LPAR3: variants seen among roughly 807,000 people sequenced by gnomAD.
The protein encoded by LPAR3 is LPA receptor 3.
LPAR3 carries 7 observed loss-of-function variants against 17.8 expected under a neutral mutation model. That is an observed-to-expected ratio of 0.39 (90% CI 0.22 to 0.74). The LOEUF (loss-of-function observed/expected upper bound fraction) is 0.74. Among genes scored for constraint, LPAR3 ranks in the 30% least tolerant of loss-of-function variants. The pLI is 0.40. For synonymous variants in LPAR3, 179 were observed against 179.9 expected (o/e 0.99, Z 0.04); for missense variants, 391 against 453.4 (o/e 0.86, Z 1.25).
chr1:84,850,606 C>A lies in LPAR3; in HGVS notation c.736+14779G>T, dbSNP rs571142601. ...GTTGCCTTGAAAGGGAAAAAAGAAACAAAACTAACAATCACCAGGGACTCT... is the reference window on the plus strand; with the variant it reads ...GTTGCCTTGAAAGGGAAAAAAGAAAAAAAACTAACAATCACCAGGGACTCT... On this transcript the variant is annotated intron_variant, in intron 2 of 2. Coordinates refer to ENST00000370611, the MANE Select transcript of LPAR3 (RefSeq NM_012152.3). Among the ~76,000 whole-genome samples, 5 of 151,890 alleles carry A rather than the reference C, an allele frequency of 3.3e-5. No homozygotes were observed. The South Asian group carries it at 8.3e-4, about 25-fold the overall frequency.
At chr1:84,882,098 A>G (rs1325334217) in intron 1 of LPAR3, among the ~76,000 whole-genome samples, 1 of 152,256 alleles carries the variant, frequency 6.6e-6, no homozygotes, top group East Asian at 1.9e-4. Context: ...AGATGCCACC[A>G]AAACACCCAT....
rs1166039438 is a variant in LPAR3, at chr1:84,813,183, A to G, written c.*663T>C. The G allele has an allele frequency of 6.9e-6, 1 of 145,830 alleles. No individual in the cohort carries two copies. Among genetic ancestry groups the G allele is most frequent in the African/African-American group, 2.5e-5 (1 of 39,576 alleles). 9.0% of individuals were successfully genotyped at this position (145,830 alleles called of 1,614,324 possible). On this transcript the variant is annotated 3_prime_UTR_variant, in exon 3 of 3. Coordinates refer to ENST00000370611, the MANE Select transcript of LPAR3 (RefSeq NM_012152.3). ...TAGACACACACACACACACACACAC[A>G]CATGCATATACACACACATGCATGG...
chr1:84,877,414 T>C (rs1457453680), intron 1 of LPAR3, among the ~76,000 whole-genome samples: 1 of 152,190 alleles, frequency 6.6e-6, no homozygotes, highest in African/African-American at 2.4e-5. Flanking sequence ...AGATGATCTT[T>C]AGACTCTGGG....
At chr1:84,838,586 A>T (rs1055664723) in intron 2 of LPAR3, among the ~76,000 whole-genome samples, 1 of 152,208 alleles carries the variant, frequency 6.6e-6, no homozygotes. Flanking sequence ...TCTGATGGTG[A>T]TTACATCAGA....
intron 1 of LPAR3, among the ~76,000 whole-genome samples, chr1:84,873,454 CCT>C (rs1159403484): frequency 6.6e-6 from 1 of 152,012 alleles, no homozygotes; most frequent in African/African-American, 2.4e-5. Context: ...AAATAAAGCC[CCT>C]GTCTTTCATA....
chr1:84,837,634 T>C (rs1401127937), intron 2 of LPAR3, among the ~76,000 whole-genome samples: 1 of 152,150 alleles, frequency 6.6e-6, no homozygotes, highest in Admixed American at 6.5e-5. Context: ...TACACACAAA[T>C]AATATTCGTA....
chr1:84,840,223 C>A (rs950386508), intron 2 of LPAR3, among the ~76,000 whole-genome samples: 12 of 152,212 alleles, frequency 7.9e-5, no homozygotes, highest in African/African-American at 2.9e-4. Context: ...CCATGCCTGA[C>A]CAGTGCTTGC....
At chr1:84,880,539 G>A (rs1444827628) in intron 1 of LPAR3, among the ~76,000 whole-genome samples, 1 of 152,144 alleles carries the variant, frequency 6.6e-6, no homozygotes, top group Non-Finnish European at 1.5e-5. Flanking sequence ...CAGAGTATGG[G>A]TGCATCTTCC....
intron 2 of LPAR3, among the ~76,000 whole-genome samples, chr1:84,830,147 C>T (rs1659253878): frequency 6.6e-6 from 1 of 152,194 alleles, no homozygotes; most frequent in Admixed American, 6.5e-5. Context: ...TCAAGGTCAA[C>T]CTGTTCTCGT....
chr1:84,860,453 T>C (rs1330990819), intron 2 of LPAR3, among the ~76,000 whole-genome samples: 1 of 152,190 alleles, frequency 6.6e-6, no homozygotes, highest in East Asian at 1.9e-4. Flanking sequence ...GTTTCTATCA[T>C]CACACTTCTG....
chr1:84,814,921 C>T (rs1658903619), intron 2 of LPAR3, among the ~76,000 whole-genome samples: 1 of 152,130 alleles, frequency 6.6e-6, no homozygotes, highest in Non-Finnish European at 1.5e-5. Flanking sequence ...AGTCTCTAGC[C>T]ACAGCATCAT....
At chr1:84,831,024 T>C (rs1005945378) in intron 2 of LPAR3, among the ~76,000 whole-genome samples, 1 of 152,194 alleles carries the variant, frequency 6.6e-6, no homozygotes, top group African/African-American at 2.4e-5. Context: ...CTATTTCACC[T>C]ATATATAGTT....
intron 2 of LPAR3, among the ~76,000 whole-genome samples, chr1:84,816,372 A>C (rs1658932185): frequency 6.6e-6 from 1 of 152,222 alleles, no homozygotes; most frequent in African/African-American, 2.4e-5. Flanking sequence ...AAGAGTTCAG[A>C]AGCCGCTTAG....
At chr1:84,874,349 G>A (rs908637734) in intron 1 of LPAR3, among the ~76,000 whole-genome samples, 24 of 152,158 alleles carry the variant, frequency 1.6e-4, no homozygotes, top group African/African-American at 5.6e-4. Context: ...TAGGCAGGGA[G>A]GACAGCCCAT....
At chr1:84,821,245 G>C (rs558530760) in intron 2 of LPAR3, among the ~76,000 whole-genome samples, 4 of 151,978 alleles carry the variant, frequency 2.6e-5, no homozygotes, top group African/African-American at 9.7e-5. Context: ...CGGAGGAGAG[G>C]GGGTGTTAAC....
intron 1 of LPAR3, among the ~76,000 whole-genome samples, chr1:84,879,309 C>CTT (rs1199196149): frequency 9.5e-4 from 70 of 73,508 alleles, no homozygotes; most frequent in African/African-American, 5.5e-3. Context: ...CTTTTCTTTT[C>CTT]TTTTTTCTTT....
At chr1:84,863,766 T>C (rs1570892503) in intron 2 of LPAR3, among the ~76,000 whole-genome samples, 2 of 152,238 alleles carry the variant, frequency 1.3e-5, no homozygotes, top group East Asian at 3.8e-4. Context: ...GGATGTCTAA[T>C]AGGTTCCTAA....
chr1:84,818,322 CTTGT>C (rs1217491029), intron 2 of LPAR3, among the ~76,000 whole-genome samples: 1 of 152,098 alleles, frequency 6.6e-6, no homozygotes, highest in Non-Finnish European at 1.5e-5. Context: ...AATGTGAAGA[CTTGT>C]TTGGAGTGTT....
chr1:84,830,867 G>A (rs991998199), intron 2 of LPAR3, among the ~76,000 whole-genome samples: 10 of 152,020 alleles, frequency 6.6e-5, no homozygotes, highest in African/African-American at 2.4e-4. Flanking sequence ...GGGCAAATGC[G>A]AGGCTACAGC....
Sources: gnomAD v4.1 joint callset for allele counts (sites outside exome capture counted in the v4.1 genomes callset) on GRCh38, gnomAD v4.1.1 for gene constraint, MANE v1.5 for transcripts, NCBI Gene and HGNC (gene_info 2026-07-23, HGNC 2026-07-21) for gene names.